Variants in HAPLN1 observed in about 807,000 individuals in gnomAD.
HAPLN1 encodes hyaluronan and proteoglycan link protein 1.
A neutral mutation model predicts 36.5 loss-of-function variants in HAPLN1; 13 were observed. The ratio of observed to expected loss-of-function variants is 0.36; its 90% CI spans 0.23 to 0.57. The LOEUF (loss-of-function observed/expected upper bound fraction) is 0.57. Ranked by LOEUF, HAPLN1 falls within the 20% of genes least tolerant of loss-of-function variation. The pLI is 0.83. For synonymous variants in HAPLN1, 202 were observed against 169.8 expected, an observed-to-expected ratio of 1.19 and a Z score of -1.48; for missense variants, 407 against 439.7, an observed-to-expected ratio of 0.93 and a Z score of 0.66.
Position 83,641,652 on chromosome 5 carries a change from G to A in HAPLN1, c.909C>T (p.Arg303=), listed in dbSNP as rs1188729937. The part of the protein sequence containing the change: ...FAAWKILGYD[R]CDAGWLADGS... Reference sequence around the variant, plus strand: ...CATCCGCCAACCAGCCCGCATCACAGCGGTCATATCCGAGAATTTTCCAGG... The same window carrying A: ...CATCCGCCAACCAGCCCGCATCACAACGGTCATATCCGAGAATTTTCCAGG... The change falls in exon 5 of 5, where the codon CGC becomes CGT. Residue 303 remains arginine (R), a synonymous_variant. Transcript: ENST00000274341. 6.2e-7 allele frequency: 1 copy of A among 1,614,198 alleles called. No individual in the cohort carries two copies. The highest frequency in any genetic ancestry group is 2.2e-5 in the East Asian group (1 of 44,880).
chr5:83,665,461 G>A lies in HAPLN1; in HGVS notation c.100+7963C>T, dbSNP rs149508600. On this transcript the variant is annotated intron_variant, in intron 2 of 4. Coordinates refer to ENST00000274341, the MANE Select transcript of HAPLN1 (RefSeq NM_001884.4). ...TCCAGGAACAAGCTAAAGCAGGGAG[G>A]GAAGCAGCATTTCAAATAGAATCAG... 8.5e-5 allele frequency among the ~76,000 whole-genome samples: 13 copies of A among 152,270 alleles called. No homozygotes were observed. The East Asian group carries it at 2.5e-3, about 29-fold the overall frequency.
At position 83,641,410 on chromosome 5, in the gene HAPLN1, T is replaced by G; in HGVS notation, c.*86A>C. On this transcript the variant is annotated 3_prime_UTR_variant, in exon 5 of 5. Transcript: ENST00000274341. Reference sequence around the variant, plus strand: ...TAAAAAAGGGTTATCACAGTTTTGGTAACTTGCATGAGTTCATATTGGAAA... The same window carrying G: ...TAAAAAAGGGTTATCACAGTTTTGGGAACTTGCATGAGTTCATATTGGAAA... 7.9e-7 allele frequency: 1 copy of G among 1,265,030 alleles called. No individual in the cohort carries two copies. The highest frequency in any genetic ancestry group is 1.6e-5 in the South Asian group (1 of 61,180). The allele number at this position is 1,265,030 out of a possible 1,614,324, so 78.4% of individuals were successfully genotyped here.
intron 1 of HAPLN1, among the ~76,000 whole-genome samples, chr5:83,682,868 C>A (rs543340096): frequency 2.6e-5 from 4 of 151,962 alleles, no homozygotes; most frequent in East Asian, 3.9e-4. Flanking sequence ...GTTTTTTAAG[C>A]TTTTAAAACT....
chr5:83,686,705 C>A (rs570139314), intron 1 of HAPLN1, among the ~76,000 whole-genome samples: 34 of 152,268 alleles, frequency 2.2e-4, no homozygotes, highest in African/African-American at 7.9e-4. Context: ...ACCTGCCGCC[C>A]ACCTGCCGTT....
intron 2 of HAPLN1, among the ~76,000 whole-genome samples, chr5:83,662,057 C>T (rs530731884): frequency 6.6e-6 from 1 of 152,234 alleles, no homozygotes; most frequent in South Asian, 2.1e-4. Context: ...CACCCGCCAC[C>T]GTGTCCGGTT....
At position 83,684,007 on chromosome 5, in the gene HAPLN1, G is replaced by A. The variant is rs974406723; in HGVS notation, c.-26-10458C>T. 3.9e-5 allele frequency among the ~76,000 whole-genome samples: 6 copies of A among 152,234 alleles called. No individual in the cohort carries two copies. The East Asian group carries it at 9.7e-4, about 25-fold the overall frequency. On this transcript the variant is annotated intron_variant, in intron 1 of 4. Coordinates refer to ENST00000274341, the MANE Select transcript of HAPLN1 (RefSeq NM_001884.4). The stretch of plus-strand genomic sequence containing the variant: ...AGACTGCGGGGAGGAGGAGGGGGCA[G>A]AAGGAGGAGGAAGATAGCAACTGAA...
chr5:83,662,989 T>C (rs1028759537), intron 2 of HAPLN1, among the ~76,000 whole-genome samples: 1 of 152,202 alleles, frequency 6.6e-6, no homozygotes, highest in East Asian at 1.9e-4. Context: ...ATCAACAGCC[T>C]ACAATGGGTC....
rs1427493184 is a variant in HAPLN1 at position 83,715,453 on chromosome 5, C to G, written c.-27+5336G>C. ...AAATTAGGAAGGCAAATTTCACCTA[C>G]TTGGCAAATTTTACTAGTGATTCAT... is the stretch of plus-strand genomic sequence containing the variant. On this transcript the variant is annotated intron_variant, in intron 1 of 4. Coordinates refer to ENST00000274341, the MANE Select transcript of HAPLN1 (RefSeq NM_001884.4). 5.3e-5 allele frequency among the ~76,000 whole-genome samples: 8 copies of G among 152,158 alleles called. No homozygotes were observed. In the South Asian group the frequency reaches 1.2e-3, roughly 24 times the overall value.
In HAPLN1 at chr5:83,641,574, C is replaced by T; in HGVS notation, c.987G>A (p.Glu329=). The change falls in exon 5 of 5, where the codon GAG becomes GAA. Residue 329 remains glutamate (E), a synonymous_variant. Coordinates refer to ENST00000274341, the MANE Select transcript of HAPLN1 (RefSeq NM_001884.4). ...GGAAACCCACGAAGCGCACTGCAGC[C>T]TCAGTAGGACTGCAGCGCCTTCTTG... The part of the protein sequence containing the change: ...SRPRRRCSPT[E]AAVRFVGFPD... The T allele has an allele frequency of 6.2e-7, 1 of 1,614,196 alleles. No individual in the cohort carries two copies. Among genetic ancestry groups the T allele is most frequent in the Non-Finnish European group, 8.5e-7 (1 of 1,180,034 alleles).
At chr5:83,687,291 T>C (rs1055144050) in intron 1 of HAPLN1, among the ~76,000 whole-genome samples, 12 of 152,218 alleles carry the variant, frequency 7.9e-5, no homozygotes, top group African/African-American at 2.9e-4. Context: ...GAGAATACAG[T>C]AGTCTTCAGT....
chr5:83,656,616 G>T (rs1370615923), intron 2 of HAPLN1, among the ~76,000 whole-genome samples: 1 of 152,048 alleles, frequency 6.6e-6, no homozygotes. Flanking sequence ...ATGTCCAGTG[G>T]GGGACTGAAA....
intron 1 of HAPLN1, among the ~76,000 whole-genome samples, chr5:83,705,406 A>AG (rs1751618490): frequency 6.6e-6 from 1 of 150,904 alleles, no homozygotes; most frequent in Non-Finnish European, 1.5e-5. Flanking sequence ...AAAAAAAAAA[A>AG]AAAGAAAGAA....
intron 1 of HAPLN1, among the ~76,000 whole-genome samples, chr5:83,677,854 A>G (rs1408785433): frequency 6.6e-6 from 1 of 152,210 alleles, no homozygotes; most frequent in Non-Finnish European, 1.5e-5. Flanking sequence ...GGACATCTCC[A>G]TCTCAGAGAC....
chr5:83,661,858 T>C (rs1410468041), intron 2 of HAPLN1, among the ~76,000 whole-genome samples: 2 of 152,232 alleles, frequency 1.3e-5, no homozygotes, highest in Non-Finnish European at 2.9e-5. Context: ...TTTTACCTAT[T>C]GCATCATGCA....
chr5:83,706,656 T>C (rs1751660734), intron 1 of HAPLN1, among the ~76,000 whole-genome samples: 1 of 152,162 alleles, frequency 6.6e-6, no homozygotes, highest in African/African-American at 2.4e-5. Context: ...AAGCATTCCC[T>C]TTGAAAACCA....
chr5:83,709,585 A>G (rs1751730153), intron 1 of HAPLN1, among the ~76,000 whole-genome samples: 1 of 152,120 alleles, frequency 6.6e-6, no homozygotes, highest in African/African-American at 2.4e-5. Context: ...TTGGGCTTCT[A>G]TTGATCCCAT....
chr5:83,659,244 A>C (rs570970796), intron 2 of HAPLN1, among the ~76,000 whole-genome samples: 1 of 151,950 alleles, frequency 6.6e-6, no homozygotes, highest in African/African-American at 2.4e-5. Context: ...ACTGCACTCC[A>C]GCCTGGGTGA....
chr5:83,702,102 T>C lies in HAPLN1; in HGVS notation c.-27+18687A>G, dbSNP rs1474398603. ...ATGCAAGCATGAGCCATGTTTCAGG[T>C]GGGAGGGATAAAATGATAAGGGATT... On this transcript the variant is annotated intron_variant, in intron 1 of 4. Transcript: ENST00000274341. 3.9e-5 allele frequency among the ~76,000 whole-genome samples: 6 copies of C among 151,928 alleles called. No homozygotes were observed. In the East Asian group the frequency reaches 1.2e-3, roughly 29 times the overall value.
At chr5:83,647,672 A>G (rs2112559146) in intron 3 of HAPLN1, among the ~76,000 whole-genome samples, 1 of 152,334 alleles carries the variant, frequency 6.6e-6, no homozygotes, top group South Asian at 2.1e-4. Flanking sequence ...AAAAAAAGTT[A>G]AACTTTTATG....
Sources: gnomAD v4.1 joint callset for allele counts (sites outside exome capture counted in the v4.1 genomes callset) on GRCh38, gnomAD v4.1.1 for gene constraint, MANE v1.5 for transcripts, NCBI Gene and HGNC (gene_info 2026-07-23, HGNC 2026-07-21) for gene names.